Variants in ABCC1 observed in about 807,000 individuals in gnomAD.
The protein encoded by ABCC1 is ATP binding cassette subfamily C member 1 (ABCC1 blood group), also known as multidrug resistance-associated protein 1.
In ABCC1, 83 loss-of-function variants were observed where a neutral mutation model predicts 172.9. The observed-to-expected ratio is 0.48, with a 90% CI of 0.40 to 0.58. ABCC1 has a LOEUF of 0.58. Among genes scored for constraint, ABCC1 ranks in the 20% least tolerant of loss-of-function variants. The pLI is 0.00. For synonymous variants in ABCC1, 937 were observed against 825.2 expected, an observed-to-expected ratio of 1.14 and a Z score of -2.32; for missense variants, 1,817 against 2,002.7, an observed-to-expected ratio of 0.91 and a Z score of 1.77.
rs1275953232 is a variant in ABCC1, at chr16:16,014,596, C to G, written c.457C>G (p.Leu153Val). 1.2e-6 allele frequency: 2 copies of G among 1,613,916 alleles called. No homozygotes were observed. The highest frequency in any genetic ancestry group is 8.5e-7 in the Non-Finnish European group (1 of 1,180,000). ...LVALVCALAI[L>V]RSKIMTALKE... ...AGCCCTAGTGTGTGCCCTAGCCATC[C>G]TGAGATCCAAAATTATGACAGCCTT... The change falls in exon 4 of 31, where the codon CTG becomes GTG. Residue 153 changes from leucine (L) to valine (V), a missense_variant. Physicochemically the swap from Leu to Val is conservative, Grantham distance 32. This residue lies in a region of ABCC1 where 398 missense variants were observed against 384.2 expected (regional missense o/e 1.04). Coordinates refer to ENST00000399410, the MANE Select transcript of ABCC1 (RefSeq NM_004996.4).
intron 14 of ABCC1, among the ~76,000 whole-genome samples, chr16:16,072,764 G>T (rs1007255578): frequency 1.1e-4 from 16 of 151,814 alleles, no homozygotes; most frequent in African/African-American, 3.9e-4. Context: ...ATATTAGGCC[G>T]GGCACAGTGG....
chr16:16,107,455 A>G (rs2052179416), intron 21 of ABCC1, among the ~76,000 whole-genome samples: 1 of 151,762 alleles, frequency 6.6e-6, no homozygotes, highest in African/African-American at 2.4e-5. Flanking sequence ...TTGCCCAGCT[A>G]ATTTTTGTAT....
chr16:16,093,513 C>T (rs1356172640), intron 19 of ABCC1, among the ~76,000 whole-genome samples: 1 of 152,166 alleles, frequency 6.6e-6, no homozygotes, highest in Non-Finnish European at 1.5e-5. Context: ...ACCACCCTGG[C>T]ACCTCGTGCG....
intron 25 of ABCC1, 46 bp downstream of exon 25, chr16:16,124,961 G>C: frequency 6.2e-7 from 1 of 1,612,470 alleles, no homozygotes; most frequent in Non-Finnish European, 8.5e-7. Context: ...CTGTTAATGG[G>C]GGAGCCAGTT....
chr16:16,052,404 G>C (rs1362200325), intron 10 of ABCC1, among the ~76,000 whole-genome samples: 1 of 151,608 alleles, frequency 6.6e-6, no homozygotes, highest in Non-Finnish European at 1.5e-5. Context: ...ACTGCAGCCT[G>C]GGCAACATAG....
In ABCC1 at chr16:16,118,853, C is replaced by T. The variant is rs74009604; in HGVS notation, c.3391-3122C>T. On this transcript the variant is annotated intron_variant, in intron 23 of 30. Transcript: ENST00000399410. Reference sequence around the variant, plus strand: ...TTGGCTAAATTTACATTTATCCTCTCACTAGGCAGTCTCATTCCTAAGTGT... The same window carrying T: ...TTGGCTAAATTTACATTTATCCTCTTACTAGGCAGTCTCATTCCTAAGTGT... Among the ~76,000 whole-genome samples, 1,197 of 145,030 alleles carry T rather than the reference C, an allele frequency of 8.3e-3. 19 individuals are homozygous for T. Among genetic ancestry groups the T allele is most frequent in the African/African-American group, 0.03 (1,150 of 38,636 alleles).
chr16:16,033,071 T>G, intron 5 of ABCC1, 38 bp from the exon 6 acceptor site: 1 of 1,599,630 alleles, frequency 6.3e-7, no homozygotes, highest in Non-Finnish European at 8.6e-7. Flanking sequence ...ATCATTCCTT[T>G]CCCTCTTCCT....
rs774535870 is a variant in ABCC1 at position 16,122,130 on chromosome 16, G to A, written c.3546G>A (p.Val1182=). The change falls in exon 24 of 31, where the codon GTG becomes GTA. Residue 1182 remains valine (V), a synonymous_variant. Coordinates refer to ENST00000399410, the MANE Select transcript of ABCC1 (RefSeq NM_004996.4). ...ERFIHQSDLK[V]DENQKAYYPS... ...TCATCCACCAGAGTGACCTGAAGGT[G>A]GACGAGAACCAGAAGGCCTATTACC... is the stretch of plus-strand genomic sequence containing the variant. 2.5e-6 allele frequency: 4 copies of A among 1,614,090 alleles called. No individual in the cohort carries two copies. Among genetic ancestry groups the A allele is most frequent in the Non-Finnish European group, 3.4e-6 (4 of 1,180,048 alleles).
At chr16:16,062,119 C>T (rs147390096) in intron 12 of ABCC1, among the ~76,000 whole-genome samples, 1 of 152,308 alleles carries the variant, frequency 6.6e-6, no homozygotes, top group Non-Finnish European at 1.5e-5. Context: ...AGATACAAGC[C>T]AGAGGGCGCT....
At chr16:16,081,390 G>A (rs1008297402) in intron 16 of ABCC1, among the ~76,000 whole-genome samples, 6 of 152,186 alleles carry the variant, frequency 3.9e-5, no homozygotes, top group African/African-American at 1.4e-4. Context: ...GATCCACATT[G>A]CTTTCTGTTT....
rs1191907342 is a variant in ABCC1 at position 16,138,389 on chromosome 16, C to T, written c.4318C>T (p.Leu1440=). 2 of 1,597,394 alleles carry T rather than the reference C, an allele frequency of 1.3e-6. No homozygotes were observed. Among genetic ancestry groups the T allele is most frequent in the East Asian group, 2.3e-5 (1 of 44,364 alleles). Residue 1440 remains leucine (L), a synonymous_variant, in exon 30 of 31, where the codon CTA becomes TTA. Transcript: ENST00000399410. ...LSVGQRQLVC[L]ARALLRKTKI... is the part of the protein sequence containing the mutation. ...TGTCGGGCAGCGCCAGCTTGTGTGC[C>T]TAGCCCGGGCCCTGCTGAGGAAGAC...
At chr16:16,038,746 C>G (rs1348983127) in intron 7 of ABCC1, among the ~76,000 whole-genome samples, 1 of 152,208 alleles carries the variant, frequency 6.6e-6, no homozygotes, top group Admixed American at 6.5e-5. Context: ...CAGCATCCCC[C>G]CCGCTAAGCA....
At chr16:16,130,338 T>A (rs1285892617) in intron 26 of ABCC1, among the ~76,000 whole-genome samples, 1 of 140,092 alleles carries the variant, frequency 7.1e-6, no homozygotes, top group Non-Finnish European at 1.5e-5. Context: ...TTTATTTAAA[T>A]TTTTTTTTAT....
At chr16:16,059,900 G>T (rs1004844524) in intron 12 of ABCC1, among the ~76,000 whole-genome samples, 1 of 151,866 alleles carries the variant, frequency 6.6e-6, no homozygotes, top group African/African-American at 2.4e-5. Context: ...GGAGGCTGAG[G>T]TACGGGAATC....
chr16:15,970,555 G>T (rs1404796284), intron 1 of ABCC1, among the ~76,000 whole-genome samples: 2 of 152,198 alleles, frequency 1.3e-5, no homozygotes, highest in Non-Finnish European at 2.9e-5. Flanking sequence ...AAATGCATGT[G>T]CAGAAGCACT....
At chr16:16,102,428 G>T (rs2051802629) in intron 19 of ABCC1, among the ~76,000 whole-genome samples, 199 bp from the exon 20 acceptor site, 1 of 152,176 alleles carries the variant, frequency 6.6e-6, no homozygotes, top group Non-Finnish European at 1.5e-5. Context: ...TACCCCAAGG[G>T]ACTGAGCTCC....
intron 1 of ABCC1, among the ~76,000 whole-genome samples, chr16:15,976,591 T>C (rs2046496891): frequency 1.3e-5 from 2 of 152,200 alleles, no homozygotes; most frequent in African/African-American, 4.8e-5. Context: ...TCCAACAGGC[T>C]GTGCCAGATG....
intron 14 of ABCC1, among the ~76,000 whole-genome samples, chr16:16,074,221 T>C (rs2050467110): frequency 6.6e-6 from 1 of 152,182 alleles, no homozygotes. Flanking sequence ...ATCCCAATTT[T>C]GGCAACCAAA....
intron 26 of ABCC1, among the ~76,000 whole-genome samples, chr16:16,128,624 A>G (rs1304510001): frequency 6.6e-6 from 1 of 152,200 alleles, no homozygotes; most frequent in African/African-American, 2.4e-5. Context: ...CATTCCGCTC[A>G]CTGTGTTGTT....
Sources: gnomAD v4.1 joint callset for allele counts (sites outside exome capture counted in the v4.1 genomes callset) on GRCh38, gnomAD v4.1.1 for gene constraint, gnomAD v4.1.1 regional missense constraint, MANE v1.5 for transcripts, NCBI Gene and HGNC (gene_info 2026-07-23, HGNC 2026-07-21) for gene names.